Variants in XPO4 observed in about 807,000 individuals in gnomAD.
XPO4 encodes exportin-4.
XPO4 carries 39 observed loss-of-function variants against 143.0 expected under a neutral mutation model. The ratio of observed to expected loss-of-function variants is 0.27; its 90% CI spans 0.21 to 0.36. The LOEUF is 0.36. Ranked by LOEUF, XPO4 falls within the 10% of genes least tolerant of loss-of-function variation. XPO4 has a pLI of 1.00. For missense variants in XPO4, 907 were observed against 1,348.0 expected (o/e 0.67, Z 5.12); for synonymous variants, 439 against 474.0 (o/e 0.93, Z 0.96).
intron 18 of XPO4, among the ~76,000 whole-genome samples, chr13:20,790,835 G>A (rs892124679): frequency 3.9e-5 from 6 of 152,140 alleles, no homozygotes; most frequent in African/African-American, 1.4e-4. Flanking sequence ...ATGAGTACTT[G>A]ATACAGAAGT....
chr13:20,809,433 G>C (rs968549334), intron 10 of XPO4, among the ~76,000 whole-genome samples: 2 of 152,106 alleles, frequency 1.3e-5, no homozygotes, highest in African/African-American at 2.4e-5. Context: ...AAACATACAA[G>C]AGCAAGAAGT....
chr13:20,847,780 C>G (rs1457053665), intron 4 of XPO4, among the ~76,000 whole-genome samples: 2 of 152,162 alleles, frequency 1.3e-5, no homozygotes, highest in Non-Finnish European at 2.9e-5. Flanking sequence ...TGATAAAAGA[C>G]TGCCATACTA....
At chr13:20,801,763 GTGCTGAGAAAAGGA>G (rs1328093199) in intron 13 of XPO4, among the ~76,000 whole-genome samples, 1 of 152,202 alleles carries the variant, frequency 6.6e-6, no homozygotes, top group Non-Finnish European at 1.5e-5. Context: ...ATGAATATCA[GTGCTGAGAAAAGGA>G]TTCTAATCAC....
At chr13:20,815,812 TG>T (rs2059642477) in intron 9 of XPO4, among the ~76,000 whole-genome samples, 1 of 152,162 alleles carries the variant, frequency 6.6e-6, no homozygotes, top group South Asian at 2.1e-4. Context: ...AGTTTGGAAG[TG>T]AAAACAGCTT....
chr13:20,865,715 G>T (rs2060239160), intron 2 of XPO4: 1 of 420,218 alleles, frequency 2.4e-6, no homozygotes, highest in Non-Finnish European at 3.2e-6. Flanking sequence ...CGGTAGTGAA[G>T]CCACAGATAT....
chr13:20,868,700 G>A lies in XPO4; in HGVS notation c.71C>T (p.Ala24Val). 3 of 1,612,024 alleles carry A rather than the reference G, an allele frequency of 1.9e-6. No homozygotes were observed. The highest frequency in any genetic ancestry group is 2.5e-6 in the Non-Finnish European group (3 of 1,179,132). The change falls in exon 2 of 23, where the codon GCA (alanine) becomes GTA (valine). Residue 24 changes from alanine to valine, a missense_variant and splice_region_variant. Physicochemically the swap from Ala to Val is moderately conservative, Grantham distance 64. Transcript: ENST00000255305. Reference sequence around the variant, plus strand: ...TTCATTATTGACCATGGAAGGTGGTGCCTTGAGAGTTAAAGACAAGAACAG... The same window carrying A: ...TTCATTATTGACCATGGAAGGTGGTACCTTGAGAGTTAAAGACAAGAACAG... ...QLENAAKVLMAPPSMVNNEQR... is the reference protein window; with the variant it reads ...QLENAAKVLMVPPSMVNNEQR...
intron 2 of XPO4, among the ~76,000 whole-genome samples, chr13:20,864,526 G>A (rs1247207425): frequency 6.6e-6 from 1 of 152,140 alleles, no homozygotes; most frequent in Non-Finnish European, 1.5e-5. Flanking sequence ...GCTGAAGGAT[G>A]CCCCAAGAGA....
intron 2 of XPO4, among the ~76,000 whole-genome samples, chr13:20,867,459 C>A (rs184990537): frequency 1.1e-3 from 164 of 152,300 alleles, no homozygotes; most frequent in African/African-American, 3.7e-3. Context: ...ATTACATTTT[C>A]ACCTCACGAA....
chr13:20,799,639 C>T (rs1347407602), intron 15 of XPO4, among the ~76,000 whole-genome samples: 3 of 152,046 alleles, frequency 2.0e-5, no homozygotes, highest in African/African-American at 4.8e-5. Context: ...TGAGATACTA[C>T]CTATGACATG....
rs541577317 is a variant in XPO4, at chr13:20,854,425, G to A, written c.456+1202C>T. On this transcript the variant is annotated intron_variant, in intron 4 of 22. Transcript: ENST00000255305. The stretch of plus-strand genomic sequence containing the variant: ...TACACCACAGCATCTCAACCTCAAA[G>A]CATCAACTACATCGTTAAAATCACA... Among the ~76,000 whole-genome samples, 122 of 152,238 alleles carry A rather than the reference G, an allele frequency of 8.0e-4. 3 individuals carry two copies. In the South Asian group the frequency reaches 0.024, roughly 30 times the overall value.
At chr13:20,863,522 T>C (rs2060219770) in intron 2 of XPO4, among the ~76,000 whole-genome samples, 1 of 152,222 alleles carries the variant, frequency 6.6e-6, no homozygotes, top group Non-Finnish European at 1.5e-5. Flanking sequence ...AGTTATAGTA[T>C]CTGATCTAAA....
At chr13:20,902,024 G>A (rs2060624648) in intron 1 of XPO4, 2 of 952,902 alleles carry the variant, frequency 2.1e-6, no homozygotes. Context: ...TGAAGTCAAA[G>A]AGTAGCATAG....
intron 18 of XPO4, among the ~76,000 whole-genome samples, chr13:20,795,743 C>T (rs1210399934): frequency 6.6e-6 from 1 of 152,100 alleles, no homozygotes; most frequent in Admixed American, 6.6e-5. Flanking sequence ...GTATCTGTGG[C>T]CAAGTGACTT....
At chr13:20,880,585 G>C (rs1392234817) in intron 1 of XPO4, among the ~76,000 whole-genome samples, 1 of 152,192 alleles carries the variant, frequency 6.6e-6, no homozygotes, top group Non-Finnish European at 1.5e-5. Flanking sequence ...TTAATAGACT[G>C]TACCAATGTT....
chr13:20,833,729 T>G (rs541859850), intron 6 of XPO4, among the ~76,000 whole-genome samples: 2 of 151,546 alleles, frequency 1.3e-5, no homozygotes, highest in South Asian at 4.2e-4. Flanking sequence ...AGGGAGAAAA[T>G]AGCAAAAGAA....
intron 1 of XPO4, among the ~76,000 whole-genome samples, chr13:20,873,752 C>T (rs1487742598): frequency 6.6e-6 from 1 of 152,056 alleles, no homozygotes; most frequent in African/African-American, 2.4e-5. Context: ...TGCCTCAGCT[C>T]GTCTAGTAGC....
intron 7 of XPO4, 34 bp downstream of exon 7, chr13:20,827,033 G>T: frequency 6.9e-7 from 1 of 1,452,236 alleles, no homozygotes; most frequent in Non-Finnish European, 9.7e-7. Context: ...CTTTTCTATG[G>T]CTCTTGCTAC....
chr13:20,800,697 C>T, intron 14 of XPO4, 134 bp downstream of exon 14: 1 of 1,124,960 alleles, frequency 8.9e-7, no homozygotes, highest in Non-Finnish European at 1.2e-6. Context: ...TCACATAATT[C>T]TCTTCCACAC....
chr13:20,835,428 C>T (rs541815542), intron 6 of XPO4, among the ~76,000 whole-genome samples: 2 of 152,302 alleles, frequency 1.3e-5, no homozygotes, highest in East Asian at 3.9e-4. Flanking sequence ...CAAATCAGCA[C>T]TTAATAGCTA....
Sources: allele counts gnomAD v4.1 joint callset (sites outside exome capture counted in the v4.1 genomes callset), GRCh38; gene constraint gnomAD v4.1.1; transcripts MANE v1.5; gene names NCBI Gene and HGNC (gene_info 2026-07-23, HGNC 2026-07-21).